Variants in PCSK2 observed in about 807,000 individuals in gnomAD.
PCSK2 encodes the protein neuroendocrine convertase 2.
In PCSK2, 14 loss-of-function variants were observed where a neutral mutation model predicts 69.7. The ratio of observed to expected loss-of-function variants is 0.20; its 90% CI spans 0.13 to 0.31. The LOEUF is 0.31. Ranked by LOEUF, PCSK2 falls within the 10% of genes least tolerant of loss-of-function variation. PCSK2 has a pLI of 1.00. For missense variants in PCSK2, 544 were observed against 842.5 expected, an observed-to-expected ratio of 0.65 and a Z score of 4.39; for synonymous variants, 307 against 320.7, an observed-to-expected ratio of 0.96 and a Z score of 0.46.
chr20:17,431,381 AC>A (rs1177691242), intron 7 of PCSK2, among the ~76,000 whole-genome samples: 2 of 151,966 alleles, frequency 1.3e-5, no homozygotes, highest in Non-Finnish European at 2.9e-5. Context: ...AGCAGAGGAC[AC>A]CCCCAGGCAA....
In PCSK2 at chr20:17,371,049, C is replaced by T. The variant is rs893749522; in HGVS notation, c.543+1772C>T. Reference sequence around the variant, plus strand: ...GACCCAGTGCCTCACAGGGCAGCCACGTGGAGTTCTGCTCACTTTCCCAAA... The same window carrying T: ...GACCCAGTGCCTCACAGGGCAGCCATGTGGAGTTCTGCTCACTTTCCCAAA... On this transcript the variant is annotated intron_variant, in intron 5 of 11. Coordinates refer to ENST00000262545, the MANE Select transcript of PCSK2 (RefSeq NM_002594.5). 5.3e-5 allele frequency among the ~76,000 whole-genome samples: 8 copies of T among 152,292 alleles called. No homozygotes were observed. In the East Asian group the frequency reaches 7.7e-4, roughly 15 times the overall value.
intron 2 of PCSK2, among the ~76,000 whole-genome samples, chr20:17,297,112 CAG>C (rs1474830795): frequency 2.0e-5 from 3 of 152,092 alleles, no homozygotes; most frequent in African/African-American, 7.2e-5. Flanking sequence ...AGTTAGTAAA[CAG>C]GGTATTGTAT....
intron 2 of PCSK2, among the ~76,000 whole-genome samples, chr20:17,325,294 G>A (rs1480113824): frequency 6.6e-6 from 1 of 152,094 alleles, no homozygotes; most frequent in Non-Finnish European, 1.5e-5. Context: ...ATAAGTGAAT[G>A]AACACATTTA....
At chr20:17,356,108 CAT>C (rs1168156485) in intron 2 of PCSK2, among the ~76,000 whole-genome samples, 3 of 152,030 alleles carry the variant, frequency 2.0e-5, no homozygotes, top group Non-Finnish European at 1.5e-5. Context: ...CACACATACA[CAT>C]ATATATTTAT....
chr20:17,420,280 G>A (rs987414379), intron 6 of PCSK2, among the ~76,000 whole-genome samples: 24 of 152,192 alleles, frequency 1.6e-4, no homozygotes, highest in Non-Finnish European at 2.5e-4. Flanking sequence ...TGGTTTGGGA[G>A]TAGATGAACA....
At chr20:17,389,718 G>T (rs1226639017) in intron 5 of PCSK2, among the ~76,000 whole-genome samples, 1 of 152,186 alleles carries the variant, frequency 6.6e-6, no homozygotes, top group African/African-American at 2.4e-5. Context: ...GCTGCTGAAA[G>T]GTCCCTGTAG....
At chr20:17,355,319 G>A (rs2030155781) in intron 2 of PCSK2, among the ~76,000 whole-genome samples, 1 of 152,146 alleles carries the variant, frequency 6.6e-6, no homozygotes, top group South Asian at 2.1e-4. Flanking sequence ...ACTTCCATGT[G>A]ATAGTTGCTC....
intron 8 of PCSK2, among the ~76,000 whole-genome samples, chr20:17,439,786 T>C (rs891776359): frequency 2.0e-5 from 3 of 152,146 alleles, no homozygotes; most frequent in Non-Finnish European, 4.4e-5. Flanking sequence ...GCGCAGTGGG[T>C]GGCCAACTTT....
At chr20:17,377,778 A>G (rs1306150362) in intron 5 of PCSK2, among the ~76,000 whole-genome samples, 1 of 152,228 alleles carries the variant, frequency 6.6e-6, no homozygotes, top group East Asian at 1.9e-4. Flanking sequence ...AATGACTATC[A>G]CTTAATGCAA....
intron 5 of PCSK2, among the ~76,000 whole-genome samples, chr20:17,390,715 T>C (rs1440569648): frequency 6.6e-6 from 1 of 152,242 alleles, no homozygotes; most frequent in Non-Finnish European, 1.5e-5. Flanking sequence ...CTTTTTAATA[T>C]AGAATCAAGG....
intron 2 of PCSK2, among the ~76,000 whole-genome samples, chr20:17,355,822 A>G (rs941347577): frequency 6.6e-6 from 1 of 152,192 alleles, no homozygotes; most frequent in African/African-American, 2.4e-5. Context: ...AGGGGAACTC[A>G]GGCAGGCCCA....
At chr20:17,448,893 CTTTT>C (rs11468966) in intron 8 of PCSK2, among the ~76,000 whole-genome samples, 79,250 of 136,174 alleles carry the variant, frequency 0.58, 22,507 homozygotes, top group South Asian at 0.7. Flanking sequence ...ATGCACTTGC[CTTTT>C]TTTTTTTTTT....
chr20:17,338,988 T>C (rs933923498), intron 2 of PCSK2, among the ~76,000 whole-genome samples: 41 of 152,204 alleles, frequency 2.7e-4, no homozygotes, highest in Non-Finnish European at 4.1e-4. Context: ...TGAAGTGATT[T>C]TGTGGCCTCA....
intron 5 of PCSK2, among the ~76,000 whole-genome samples, chr20:17,406,803 G>C (rs558859008): frequency 6.6e-6 from 1 of 152,174 alleles, no homozygotes; most frequent in Non-Finnish European, 1.5e-5. Context: ...CTGCCAGCCT[G>C]GTAGAAACAT....
intron 1 of PCSK2, among the ~76,000 whole-genome samples, chr20:17,251,042 G>C (rs1320655378): frequency 6.6e-6 from 1 of 152,114 alleles, no homozygotes; most frequent in African/African-American, 2.4e-5. Context: ...GAAGGTTGCA[G>C]TGAGCCAAGA....
chr20:17,352,064 G>A (rs62201007), intron 2 of PCSK2, among the ~76,000 whole-genome samples: 2 of 152,156 alleles, frequency 1.3e-5, no homozygotes, highest in Admixed American at 1.3e-4. Context: ...TAACGTTCAA[G>A]CTGAGAGCCA....
chr20:17,300,882 CA>C, intron 2 of PCSK2, among the ~76,000 whole-genome samples: 1 of 152,238 alleles, frequency 6.6e-6, no homozygotes, highest in East Asian at 1.9e-4. Flanking sequence ...TAAGTGCTCT[CA>C]AAATTATATT....
intron 8 of PCSK2, among the ~76,000 whole-genome samples, chr20:17,439,293 G>A (rs2032550469): frequency 6.6e-6 from 1 of 152,004 alleles, no homozygotes; most frequent in African/African-American, 2.4e-5. Context: ...ATGATACCAT[G>A]CCCAGCTAAC....
intron 2 of PCSK2, among the ~76,000 whole-genome samples, chr20:17,337,475 C>A (rs1302550141): frequency 3.3e-5 from 5 of 152,168 alleles, no homozygotes; most frequent in African/African-American, 9.7e-5. Context: ...ATTCATTTAA[C>A]CCTCAGCTGT....
Sources: allele counts gnomAD v4.1 joint callset (sites outside exome capture counted in the v4.1 genomes callset), GRCh38; gene constraint gnomAD v4.1.1; transcripts MANE v1.5; gene names NCBI Gene and HGNC (gene_info 2026-07-23, HGNC 2026-07-21).